Variants in HERC5 observed in about 807,000 individuals in gnomAD.
HERC5 encodes HECT and RLD domain containing E3 ubiquitin protein ligase 5.
HERC5 carries 99 observed loss-of-function variants against 119.6 expected under a neutral mutation model. The ratio of observed to expected loss-of-function variants is 0.83; its 90% CI spans 0.70 to 0.98. HERC5 has a LOEUF of 0.98. Ranked by LOEUF, HERC5 falls within the 50% of genes least tolerant of loss-of-function variation. The pLI is 0.00. For synonymous variants in HERC5, 478 were observed against 445.9 expected (o/e 1.07, Z -0.91); for missense variants, 1,267 against 1,241.3 (o/e 1.02, Z -0.31).
rs1305015870 is a variant in HERC5, at chr4:88,486,541, C to G, written c.1851+313C>G. 5.3e-5 allele frequency among the ~76,000 whole-genome samples: 8 copies of G among 152,292 alleles called. No homozygotes were observed. The Middle Eastern group carries it at 0.017, about 324-fold the overall frequency. ...ACAAGGCAGTGAGACTCATCAGGAGCCAAGAGCCAAGACCCTGTGGGTAGA... is the reference window on the plus strand; with the variant it reads ...ACAAGGCAGTGAGACTCATCAGGAGGCAAGAGCCAAGACCCTGTGGGTAGA... On this transcript the variant is annotated intron_variant, in intron 14 of 22. Coordinates refer to ENST00000264350, the MANE Select transcript of HERC5 (RefSeq NM_016323.4).
At chr4:88,467,758 G>A (rs758626243) in intron 7 of HERC5, 1 of 220,880 alleles carries the variant, frequency 4.5e-6, no homozygotes, top group Non-Finnish European at 7.7e-6. Context: ...TAAGTGGTTT[G>A]TCTGGAGTTG....
Position 88,460,173 on chromosome 4 carries a change from T to C in HERC5, c.466+2T>C. On this transcript the variant is annotated splice_donor_variant, in intron 3 of 22. Transcript: ENST00000264350. LOFTEE classifies it high-confidence loss of function. Reference sequence around the variant, plus strand: ...ACCATTCTCTTGCACTCTCAAAAGGTAATTTTTCTGTAATATTAATAGTTT... The same window carrying C: ...ACCATTCTCTTGCACTCTCAAAAGGCAATTTTTCTGTAATATTAATAGTTT... The C allele has an allele frequency of 6.7e-7, 1 of 1,496,212 alleles. No individual in the cohort carries two copies. The highest frequency in any genetic ancestry group is 1.4e-5 in the African/African-American group (1 of 72,424). The allele number at this position is 1,496,212 out of a possible 1,614,324, so 92.7% of individuals were successfully genotyped here. A position where few individuals can be genotyped will look rare whatever the true frequency, so the allele number is the denominator to read the frequency against.
At chr4:88,491,090 A>G (rs976931781) in intron 16 of HERC5, among the ~76,000 whole-genome samples, 9 of 152,066 alleles carry the variant, frequency 5.9e-5, no homozygotes, top group Non-Finnish European at 1.3e-4. Flanking sequence ...AATCTTTCTG[A>G]TAATCTTGTG....
chr4:88,495,964 AAGCGCTTTT>A (rs1741784384), intron 18 of HERC5, among the ~76,000 whole-genome samples: 1 of 152,184 alleles, frequency 6.6e-6, no homozygotes, highest in East Asian at 1.9e-4. Flanking sequence ...GAGGACTCCA[AAGCGCTTTT>A]AGTTAGGTTG....
intron 13 of HERC5, among the ~76,000 whole-genome samples, chr4:88,482,225 G>A (rs1189377300): frequency 2.6e-5 from 4 of 151,470 alleles, no homozygotes; most frequent in East Asian, 1.9e-4. Flanking sequence ...CAGGAGAGTC[G>A]CTTGAATCCA....
rs1740703017 is a variant in HERC5 at position 88,467,222 on chromosome 4, A to G, written c.1057+18A>G. The G allele has an allele frequency of 4.3e-6, 7 of 1,612,526 alleles. No homozygotes were observed. The highest frequency in any genetic ancestry group is 4.5e-5 in the East Asian group (2 of 44,866). The stretch of plus-strand genomic sequence containing the variant: ...CAAACTTGGTAAATTCTATAGGAAC[A>G]TAGGGTTTGGCATAGTATCTTTTTA... On this transcript the variant is annotated intron_variant, in intron 7 of 22. Coordinates refer to ENST00000264350, the MANE Select transcript of HERC5 (RefSeq NM_016323.4).
Position 88,499,967 on chromosome 4 carries a change from AG to A in HERC5, c.2488del (p.Glu830LysfsTer18). 6.2e-7 allele frequency: 1 copy of A among 1,606,722 alleles called. No homozygotes were observed. The highest frequency in any genetic ancestry group is 8.5e-7 in the Non-Finnish European group (1 of 1,173,548). ...CTGGATGATGAAGGTGATAACTTTG[AG>A]GAAGTATTTTACATCCATTTTAATG... Reference protein sequence around the residue: ...TLLDDEGDNFEEVFYIHFNVH... With the variant: ...TLLDDEGDNFXEVFYIHFNVH... On this transcript the variant is annotated frameshift_variant, in exon 19 of 23. Transcript: ENST00000264350. LOFTEE classifies it high-confidence loss of function.
Position 88,457,368 on chromosome 4 carries a change from C to T in HERC5, c.99C>T (p.Leu33=), listed in dbSNP as rs1283262028. The T allele has an allele frequency of 7.0e-7, 1 of 1,423,160 alleles. No individual in the cohort carries two copies. Among genetic ancestry groups the T allele is most frequent in the South Asian group, 1.4e-5 (1 of 70,316 alleles). 88.2% of individuals were successfully genotyped at this position (1,423,160 alleles called of 1,614,324 possible). A position where few individuals can be genotyped will look rare whatever the true frequency, so the allele number is the denominator to read the frequency against. The change falls in exon 1 of 23, where the codon CTC becomes CTT. Residue 33 remains leucine, a synonymous_variant. Transcript: ENST00000264350. ...TQPAKSPGAQ[L]WLFPSAAGLH... ...CCGCGAAGTCTCCGGGCGCACAGCTCTGGCTCTTTCCCAGCGCCGCGGGCC... is the reference window on the plus strand; with the variant it reads ...CCGCGAAGTCTCCGGGCGCACAGCTTTGGCTCTTTCCCAGCGCCGCGGGCC...
At chr4:88,459,309 C>G in intron 1 of HERC5, 38 bp from the exon 2 acceptor site, 5 of 1,505,152 alleles carry the variant, frequency 3.3e-6, no homozygotes, top group Non-Finnish European at 3.5e-6. Context: ...GGGTAATAAT[C>G]AAAGTGACAA....
chr4:88,480,490 C>T (rs1741244926), intron 13 of HERC5, among the ~76,000 whole-genome samples: 1 of 150,624 alleles, frequency 6.6e-6, no homozygotes. Flanking sequence ...AGAAAACATG[C>T]TGCTATAAAC....
intron 16 of HERC5, among the ~76,000 whole-genome samples, chr4:88,490,840 G>A (rs1466726751): frequency 6.6e-6 from 1 of 152,060 alleles, no homozygotes; most frequent in Non-Finnish European, 1.5e-5. Context: ...GCAAGATTCT[G>A]TCTCAAGGAA....
At chr4:88,473,136 G>T (rs754094395) in intron 11 of HERC5, 1 of 151,730 alleles carries the variant, frequency 6.6e-6, no homozygotes, top group South Asian at 2.1e-4. Flanking sequence ...GTGCGATCTC[G>T]GCTTACTGCA....
At chr4:88,499,798 AAG>A (rs1741896662) in intron 18 of HERC5, 126 bp from the exon 19 acceptor site, 2 of 613,088 alleles carry the variant, frequency 3.3e-6, no homozygotes, top group Non-Finnish European at 2.9e-6. Context: ...TACGCAGAGA[AAG>A]AGGTGCTGTG....
intron 6 of HERC5, among the ~76,000 whole-genome samples, chr4:88,466,093 T>G (rs1174416997): frequency 1.3e-5 from 2 of 151,622 alleles, no homozygotes; most frequent in African/African-American, 2.4e-5. Context: ...TTGGTGGTTT[T>G]TTTTTTTTTT....
intron 15 of HERC5, among the ~76,000 whole-genome samples, chr4:88,488,630 CTCTCTTCAATT>C (rs1741542039): frequency 6.6e-6 from 1 of 152,042 alleles, no homozygotes; most frequent in East Asian, 1.9e-4. Flanking sequence ...CCCTGCTTGT[CTCTCTTCAATT>C]AACTTCTTAG....
intron 10 of HERC5, among the ~76,000 whole-genome samples, chr4:88,471,948 T>C (rs555595711): frequency 2.0e-5 from 3 of 148,746 alleles, no homozygotes; most frequent in Non-Finnish European, 3.0e-5. Flanking sequence ...CTCCCTTCTT[T>C]CCTCCCTCCC....
chr4:88,475,948 T>C lies in HERC5; in HGVS notation c.1500T>C (p.His500=). 6.2e-7 allele frequency: 1 copy of C among 1,614,084 alleles called. No individual in the cohort carries two copies. The highest frequency in any genetic ancestry group is 8.5e-7 in the Non-Finnish European group (1 of 1,179,998). ...FFLLPECPMM[H]ISNNWESLVV... ...TTCTCCCAGAATGTCCTATGATGCA[T>C]ATTTCCAACAACTGGGAGAGCCTTG... is the stretch of plus-strand genomic sequence containing the variant. The change falls in exon 12 of 23, where the codon CAT becomes CAC. Residue 500 remains histidine (H), a synonymous_variant. Transcript: ENST00000264350.
intron 6 of HERC5, among the ~76,000 whole-genome samples, chr4:88,466,488 G>T (rs1740669926): frequency 6.6e-6 from 1 of 152,100 alleles, no homozygotes; most frequent in African/African-American, 2.4e-5. Context: ...TACATCACAG[G>T]CCAGGAGAGC....
Position 88,470,644 on chromosome 4 carries a change from T to C in HERC5, c.1269T>C (p.Ala423=). The C allele has an allele frequency of 6.6e-7, 1 of 1,514,208 alleles. No homozygotes were observed. The highest frequency in any genetic ancestry group is 9.1e-7 in the Non-Finnish European group (1 of 1,094,590). 93.8% of individuals were successfully genotyped at this position (1,514,208 alleles called of 1,614,324 possible). A position where few individuals can be genotyped will look rare whatever the true frequency, so the allele number is the denominator to read the frequency against. ...REIQEIFSSP[A]CLTGSFLRKR... ...TCCAAGAGATATTTTCATCTCCTGC[T>C]TGTCTAACTGGAAGTTTTTTAAGGA... The change falls in exon 10 of 23, where the codon GCT becomes GCC. Residue 423 remains alanine, a synonymous_variant. Coordinates refer to ENST00000264350, the MANE Select transcript of HERC5 (RefSeq NM_016323.4).
Sources: gnomAD v4.1 joint callset for allele counts (sites outside exome capture counted in the v4.1 genomes callset) on GRCh38, gnomAD v4.1.1 for gene constraint, MANE v1.5 for transcripts, NCBI Gene and HGNC (gene_info 2026-07-23, HGNC 2026-07-21) for gene names.